The following FCER1A variants were observed in gnomAD, a reference collection of about 807,000 sequenced individuals.
The protein encoded by FCER1A is high affinity immunoglobulin epsilon receptor subunit alpha.
In FCER1A, 24 loss-of-function variants were observed where a neutral mutation model predicts 23.6. The observed-to-expected ratio is 1.02, with a 90% confidence interval of 0.74 to 1.43. The LOEUF is 1.43. Among genes scored for constraint, FCER1A ranks in the 40% most tolerant of loss-of-function variants. The pLI, the probability that FCER1A is intolerant of heterozygous loss-of-function variation, is 0.00. For missense variants in FCER1A, 318 were observed against 294.5 expected, an observed-to-expected ratio of 1.08 and a Z score of -0.58; for synonymous variants, 121 against 108.8, an observed-to-expected ratio of 1.11 and a Z score of -0.70.
At chr1:159,307,537 G>A (rs1571083159) in intron 4 of FCER1A, among the ~76,000 whole-genome samples, 5 of 152,188 alleles carry the variant, frequency 3.3e-5, no homozygotes, top group African/African-American at 1.2e-4. Context: ...AAGAGGAAAT[G>A]CTTAGGACTC....
chr1:159,306,409 C>G (rs1652618127), intron 4 of FCER1A, among the ~76,000 whole-genome samples, 164 bp downstream of exon 4: 1 of 152,172 alleles, frequency 6.6e-6, no homozygotes, highest in African/African-American at 2.4e-5. Context: ...ATCTCAATCT[C>G]TGTTTCAAAG....
At chr1:159,286,478 G>A (rs1420224325), upstream of FCER1A, among the ~76,000 whole-genome samples, 7 of 151,806 alleles carry the variant, frequency 4.6e-5, no homozygotes, top group Admixed American at 2.6e-4. Flanking sequence ...GACTACAGGC[G>A]CCCGCCACCA....
upstream of FCER1A, among the ~76,000 whole-genome samples, chr1:159,285,487 A>G (rs890004298): frequency 2.5e-4 from 38 of 151,980 alleles, no homozygotes; most frequent in South Asian, 3.5e-3. Context: ...TGGATATACT[A>G]TAACCTGTAA....
upstream of FCER1A, among the ~76,000 whole-genome samples, chr1:159,288,275 A>T (rs1423177899): frequency 2.0e-5 from 3 of 152,176 alleles, no homozygotes; most frequent in Non-Finnish European, 4.4e-5. Context: ...TTTACCATTG[A>T]GATCTAGGGC....
Position 159,302,432 on chromosome 1 carries a change from T to G in FCER1A, c.55+13T>G. ...TTACTGTTCTTCGGTAAGTAGAGAT[T>G]CAATTACCCCTCCCAGGGAGGCCCA... On this transcript the variant is annotated intron_variant, in intron 1 of 4. Coordinates refer to ENST00000693622, the MANE Select transcript of FCER1A (RefSeq NM_001387280.1). 6.3e-7 allele frequency: 1 copy of G among 1,579,622 alleles called. No homozygotes were observed. The highest frequency in any genetic ancestry group is 8.7e-7 in the Non-Finnish European group (1 of 1,148,420).
chr1:159,301,587 A>C (rs16841988), upstream of FCER1A, among the ~76,000 whole-genome samples: 6,457 of 152,316 alleles, frequency 0.042, 160 homozygotes, highest in Middle Eastern at 0.1. Context: ...GAGTCTCTGA[A>C]AATGTTTCCA....
At chr1:159,301,692 G>A (rs72713647), upstream of FCER1A, among the ~76,000 whole-genome samples, 3,730 of 152,274 alleles carry the variant, frequency 0.024, 60 homozygotes, top group Middle Eastern at 0.088. Flanking sequence ...CAAGAAAAGC[G>A]TTGGTAGCTC....
upstream of FCER1A, among the ~76,000 whole-genome samples, chr1:159,300,278 G>A (rs1057433430): frequency 3.9e-5 from 6 of 152,098 alleles, no homozygotes; most frequent in Non-Finnish European, 8.8e-5. Context: ...TTCAGAGGAA[G>A]CCTTTAAATA....
At chr1:159,307,687 A>C in intron 4 of FCER1A, 61 bp from the exon 5 acceptor site, 1 of 1,290,636 alleles carries the variant, frequency 7.7e-7, no homozygotes, top group Non-Finnish European at 1.1e-6. Flanking sequence ...GAAACTCTGA[A>C]CCTCATTTTT....
upstream of FCER1A, among the ~76,000 whole-genome samples, chr1:159,286,191 A>AAAATAAAT (rs541712574): frequency 1.7e-4 from 25 of 151,280 alleles, no homozygotes; most frequent in Admixed American, 5.3e-4. Context: ...CCCTGCCACC[A>AAAATAAAT]AAATAAATAA....
At chr1:159,287,536 TG>T (rs1396750659), upstream of FCER1A, among the ~76,000 whole-genome samples, 3 of 152,116 alleles carry the variant, frequency 2.0e-5, no homozygotes, top group East Asian at 5.8e-4. Flanking sequence ...ACAAGATTGG[TG>T]GTTTCCACAA....
chr1:159,296,780 C>T (rs1652302768), intron 1 of FCER1A, among the ~76,000 whole-genome samples: 2 of 152,160 alleles, frequency 1.3e-5, no homozygotes. Flanking sequence ...ACCCTCAATA[C>T]ACATACATAC....
rs769743599 is a variant in FCER1A, at chr1:159,307,852, T to C, written c.694T>C (p.Phe232Leu). ...TATCTCAACTCAGCAGCAGGTCACA[T>C]TTCTCTTGAAGATTAAGAGAACCAG... ...LFISTQQQVTFLLKIKRTRKG... is the reference protein window; with the variant it reads ...LFISTQQQVTLLLKIKRTRKG... Residue 232 changes from phenylalanine (F) to leucine (L), a missense_variant, in exon 5 of 5, where the codon TTT becomes CTT. By Grantham distance (22) the Phe-to-Leu change is conservative. Transcript: ENST00000693622. 1 of 1,613,528 alleles carries C rather than the reference T, an allele frequency of 6.2e-7. No homozygotes were observed. Among genetic ancestry groups the C allele is most frequent in the Admixed American group, 1.7e-5 (1 of 60,022 alleles).
At chr1:159,294,505 C>A (rs1571076828) in intron 1 of FCER1A, among the ~76,000 whole-genome samples, 1 of 152,118 alleles carries the variant, frequency 6.6e-6, no homozygotes, top group Non-Finnish European at 1.5e-5. Context: ...CCTTGTACGT[C>A]TATGGAGCAA....
intron 1 of FCER1A, among the ~76,000 whole-genome samples, chr1:159,290,758 A>G (rs972795449): frequency 6.6e-6 from 1 of 152,202 alleles, no homozygotes; most frequent in African/African-American, 2.4e-5. Flanking sequence ...TTCAAAAAAT[A>G]TTAACAGTTA....
chr1:159,297,680 T>G (rs1485559523), upstream of FCER1A, among the ~76,000 whole-genome samples: 1 of 152,190 alleles, frequency 6.6e-6, no homozygotes, highest in Non-Finnish European at 1.5e-5. Context: ...TTAATTTCTT[T>G]AAATTATCTA....
rs1652673956 is a variant in FCER1A, at chr1:159,308,159, T to C, written c.*227T>C. 1 of 418,090 alleles carries C rather than the reference T, an allele frequency of 2.4e-6. No individual in the cohort carries two copies. The highest frequency in any genetic ancestry group is 3.9e-5 in the Admixed American group (1 of 25,674). 25.9% of individuals were successfully genotyped at this position (418,090 alleles called of 1,614,324 possible). On this transcript the variant is annotated 3_prime_UTR_variant, in exon 5 of 5. Transcript: ENST00000693622. Reference sequence around the variant, plus strand: ...AATGAATAGATTCATTTATTAGCATTTGTAAAAGAGATGTTCAATTTCAAT... The same window carrying C: ...AATGAATAGATTCATTTATTAGCATCTGTAAAAGAGATGTTCAATTTCAAT...
chr1:159,286,372 G>A (rs1362846917), upstream of FCER1A, among the ~76,000 whole-genome samples: 1 of 150,450 alleles, frequency 6.6e-6, no homozygotes, highest in Admixed American at 6.6e-5. Context: ...TCTCTCTGTT[G>A]CCCAGGCTGG....
chr1:159,286,826 C>T (rs543030786), upstream of FCER1A, among the ~76,000 whole-genome samples: 6 of 152,162 alleles, frequency 3.9e-5, no homozygotes, highest in South Asian at 1.2e-3. Flanking sequence ...CTATTACATC[C>T]AGTGAAAGAA....
Sources: gnomAD v4.1 joint callset for allele counts (sites outside exome capture counted in the v4.1 genomes callset) on GRCh38, gnomAD v4.1.1 for gene constraint, MANE v1.5 for transcripts, NCBI Gene and HGNC (gene_info 2026-07-23, HGNC 2026-07-21) for gene names.